ADAMTSL3: variants seen among roughly 807,000 people sequenced by gnomAD.
The protein encoded by ADAMTSL3 is ADAMTS like 3.
A neutral mutation model predicts 201.7 loss-of-function variants in ADAMTSL3; 128 were observed. That is an observed-to-expected ratio of 0.63 (90% CI 0.55 to 0.73). The LOEUF (loss-of-function observed/expected upper bound fraction) is 0.73, where lower values mean the gene tolerates loss of function less well. Among genes scored for constraint, ADAMTSL3 ranks in the 30% least tolerant of loss-of-function variants. The pLI is 0.00. For synonymous variants in ADAMTSL3, 738 were observed against 748.4 expected, an observed-to-expected ratio of 0.99 and a Z score of 0.23; for missense variants, 1,990 against 2,119.6, an observed-to-expected ratio of 0.94 and a Z score of 1.20.
At chr15:83,963,441 C>G (rs546490729) in intron 19 of ADAMTSL3, among the ~76,000 whole-genome samples, 3 of 152,290 alleles carry the variant, frequency 2.0e-5, no homozygotes, top group East Asian at 3.9e-4. Context: ...GCCACTGTAG[C>G]CAGACTGCTT....
At chr15:83,730,235 G>A (rs1003940913) in intron 3 of ADAMTSL3, among the ~76,000 whole-genome samples, 1 of 152,084 alleles carries the variant, frequency 6.6e-6, no homozygotes, top group Non-Finnish European at 1.5e-5. Flanking sequence ...TGCTTAAGAA[G>A]AAACATGGAA....
chr15:83,851,451 A>G (rs1016803681), intron 7 of ADAMTSL3, among the ~76,000 whole-genome samples: 1 of 152,208 alleles, frequency 6.6e-6, no homozygotes, highest in Non-Finnish European at 1.5e-5. Flanking sequence ...ACATATATGC[A>G]CACACACCCC....
intron 3 of ADAMTSL3, among the ~76,000 whole-genome samples, chr15:83,725,571 G>A (rs1596095166): frequency 6.6e-6 from 1 of 152,106 alleles, no homozygotes; most frequent in African/African-American, 2.4e-5. Context: ...TTTGATTTTT[G>A]TGTATGGCAA....
At chr15:83,748,088 A>G (rs980161912) in intron 3 of ADAMTSL3, among the ~76,000 whole-genome samples, 4 of 152,148 alleles carry the variant, frequency 2.6e-5, no homozygotes, top group Non-Finnish European at 5.9e-5. Flanking sequence ...ATGTTTGAGA[A>G]TACAAATCAA....
At chr15:83,743,376 G>A (rs1384756371) in intron 3 of ADAMTSL3, among the ~76,000 whole-genome samples, 20 of 151,820 alleles carry the variant, frequency 1.3e-4, no homozygotes, top group African/African-American at 4.1e-4. Context: ...AGCCGGGCGC[G>A]GTGGCGGGCG....
At chr15:83,731,031 A>C (rs2062259555) in intron 3 of ADAMTSL3, among the ~76,000 whole-genome samples, 1 of 152,094 alleles carries the variant, frequency 6.6e-6, no homozygotes, top group African/African-American at 2.4e-5. Context: ...TGAAGAGACT[A>C]TCCTTTTCCC....
At chr15:83,882,492 C>A (rs1378288523) in intron 9 of ADAMTSL3, among the ~76,000 whole-genome samples, 1 of 152,166 alleles carries the variant, frequency 6.6e-6, no homozygotes. Flanking sequence ...TTGCTTCTTG[C>A]ATCTCACCAC....
intron 9 of ADAMTSL3, among the ~76,000 whole-genome samples, chr15:83,883,817 T>C (rs139951619): frequency 0.026 from 3,906 of 152,164 alleles, 176 homozygotes; most frequent in African/African-American, 0.087. Context: ...CCTCCTGCCT[T>C]GAACTCCCAA....
chr15:83,683,315 A>T (rs964183487), intron 2 of ADAMTSL3, among the ~76,000 whole-genome samples: 1 of 151,788 alleles, frequency 6.6e-6, no homozygotes, highest in Non-Finnish European at 1.5e-5. Context: ...TCCTCTTCTT[A>T]TTTTCCCCTC....
intron 22 of ADAMTSL3, among the ~76,000 whole-genome samples, chr15:83,990,460 G>A (rs2141833605): frequency 6.6e-6 from 1 of 152,246 alleles, no homozygotes; most frequent in East Asian, 1.9e-4. Flanking sequence ...CTTGTACCCA[G>A]GTATTTCTCA....
intron 3 of ADAMTSL3, among the ~76,000 whole-genome samples, chr15:83,705,685 A>G (rs919359558): frequency 3.3e-5 from 5 of 152,106 alleles, no homozygotes; most frequent in South Asian, 4.2e-4. Context: ...TCAGTCCTCT[A>G]TCTCCCAGCT....
intron 5 of ADAMTSL3, among the ~76,000 whole-genome samples, chr15:83,808,931 A>AAG (rs1428940002): frequency 6.6e-6 from 1 of 151,578 alleles, no homozygotes; most frequent in East Asian, 1.9e-4. Flanking sequence ...AAAAAAAAAA[A>AAG]CAACTTGATA....
Position 83,913,338 on chromosome 15 carries a change from G to A in ADAMTSL3, c.1947G>A (p.Glu649=), listed in dbSNP as rs749709332. 6.2e-6 allele frequency: 10 copies of A among 1,613,594 alleles called. No homozygotes were observed. The highest frequency in any genetic ancestry group is 1.7e-5 in the Admixed American group (1 of 59,998). ...ACAGTGAGACGACTTACGACTGGGA[G>A]TACGCTGGGTTCACCCCTTGCACAG... ...PEDSETTYDW[E]YAGFTPCTAT... Residue 649 remains glutamate (E), a synonymous_variant, in exon 16 of 30, where the codon GAG becomes GAA. Transcript: ENST00000286744.
At chr15:83,728,033 T>A (rs993212892) in intron 3 of ADAMTSL3, among the ~76,000 whole-genome samples, 2 of 152,058 alleles carry the variant, frequency 1.3e-5, no homozygotes, top group Admixed American at 1.3e-4. Flanking sequence ...TTGTTTTATT[T>A]ATCTGTGTGA....
chr15:84,017,912 A>G lies in ADAMTSL3; in HGVS notation c.4273+1413A>G, dbSNP rs202221592. On this transcript the variant is annotated intron_variant, in intron 25 of 29. Coordinates refer to ENST00000286744, the MANE Select transcript of ADAMTSL3 (RefSeq NM_207517.3). ...CAAGTTCCATAATAAAAAGATGACC[A>G]AAGTACAATGGTAGCACTGAGGAAG... Among the ~76,000 whole-genome samples, 18 of 152,326 alleles carry G rather than the reference A, an allele frequency of 1.2e-4. No individual in the cohort carries two copies. The East Asian group carries it at 3.5e-3, about 29-fold the overall frequency.
At chr15:83,927,424 T>C (rs2066269859) in intron 17 of ADAMTSL3, among the ~76,000 whole-genome samples, 1 of 152,136 alleles carries the variant, frequency 6.6e-6, no homozygotes, top group Admixed American at 6.5e-5. Flanking sequence ...CATGAATCCT[T>C]TTCTATGTAC....
intron 1 of ADAMTSL3, 69 bp from the exon 2 acceptor site, chr15:83,655,660 C>G: frequency 8.7e-7 from 1 of 1,142,978 alleles, no homozygotes; most frequent in Non-Finnish European, 1.3e-6. Flanking sequence ...TCTAATGGGT[C>G]GCTTAAGTCA....
At chr15:83,820,589 C>T (rs73439426) in intron 6 of ADAMTSL3, among the ~76,000 whole-genome samples, 2,404 of 152,276 alleles carry the variant, frequency 0.016, 71 homozygotes, top group African/African-American at 0.054. Flanking sequence ...AAGAGTAATA[C>T]TAGAGAGTCT....
intron 6 of ADAMTSL3, among the ~76,000 whole-genome samples, chr15:83,822,506 C>T (rs1486024035): frequency 2.8e-5 from 4 of 142,568 alleles, no homozygotes; most frequent in East Asian, 2.1e-4. Context: ...ACGCTCCTCA[C>T]CTCCCAGACG....
Sources: allele counts gnomAD v4.1 joint callset (sites outside exome capture counted in the v4.1 genomes callset), GRCh38; gene constraint gnomAD v4.1.1; transcripts MANE v1.5; gene names NCBI Gene and HGNC (gene_info 2026-07-23, HGNC 2026-07-21).